SKAP2: variants seen among roughly 807,000 people sequenced by gnomAD.
SKAP2 encodes src kinase associated phosphoprotein 2.
SKAP2 carries 28 observed loss-of-function variants against 54.9 expected under a neutral mutation model. That is an observed-to-expected ratio of 0.51 (90% CI 0.38 to 0.70). SKAP2 has a LOEUF of 0.70. SKAP2 is among the 30% of genes least tolerant of loss of function. The pLI is 0.00. For synonymous variants in SKAP2, 137 were observed against 134.3 expected (o/e 1.02, Z -0.14); for missense variants, 356 against 424.1 (o/e 0.84, Z 1.41).
At chr7:26,718,393 T>C (rs529925309) in intron 9 of SKAP2, among the ~76,000 whole-genome samples, 3 of 152,168 alleles carry the variant, frequency 2.0e-5, no homozygotes, top group Admixed American at 6.5e-5. Context: ...TTTATATGTA[T>C]ATGTATATTT....
At chr7:26,858,448 T>C (rs939354644) in intron 1 of SKAP2, among the ~76,000 whole-genome samples, 1 of 152,168 alleles carries the variant, frequency 6.6e-6, no homozygotes, top group Non-Finnish European at 1.5e-5. Context: ...TTACAACTGC[T>C]CTGTCGATAA....
chr7:26,840,310 G>A lies in SKAP2; in HGVS notation c.307+3720C>T, dbSNP rs575384578. Among the ~76,000 whole-genome samples, 51 of 152,132 alleles carry A rather than the reference G, an allele frequency of 3.4e-4. No individual in the cohort carries two copies. In the Middle Eastern group the frequency reaches 0.017, roughly 51 times the overall value. On this transcript the variant is annotated intron_variant, in intron 4 of 12. Transcript: ENST00000345317. ...TAACATACATCTACTGGGATCCTTCGACCTATCGTCGAGGGGCAGAGCCAA... is the reference window on the plus strand; with the variant it reads ...TAACATACATCTACTGGGATCCTTCAACCTATCGTCGAGGGGCAGAGCCAA...
Position 26,776,299 on chromosome 7 carries a change from A to G in SKAP2, c.308-36335T>C, listed in dbSNP as rs372646152. On this transcript the variant is annotated intron_variant, in intron 4 of 12. Transcript: ENST00000345317. The stretch of plus-strand genomic sequence containing the variant: ...ACCCTCCCAGTGTAATTTTACCCAC[A>G]CTTATAACTTCTATTGCCCCCTGTA... 2.1e-4 allele frequency among the ~76,000 whole-genome samples: 32 copies of G among 152,180 alleles called. No homozygotes were observed. In the South Asian group the frequency reaches 6.6e-3, roughly 32 times the overall value.
In SKAP2 at chr7:26,680,768, G is replaced by A. The variant is rs111962175; in HGVS notation, c.987+3968C>T. ...GATTTATTATTAGTGAGGTTCAAAG[G>A]TGAAACCTAAGGAAATGCTGGACAC... On this transcript the variant is annotated intron_variant, in intron 11 of 12. Transcript: ENST00000345317. 1.8e-3 allele frequency among the ~76,000 whole-genome samples: 281 copies of A among 152,308 alleles called. 2 individuals carry two copies. The highest frequency in any genetic ancestry group is 6.4e-3 in the African/African-American group (266 of 41,572).
At chr7:26,769,185 C>G (rs553310763) in intron 4 of SKAP2, among the ~76,000 whole-genome samples, 1 of 152,084 alleles carries the variant, frequency 6.6e-6, no homozygotes, top group African/African-American at 2.4e-5. Flanking sequence ...CTTGTCTTCA[C>G]GCTTTATTTT....
chr7:26,778,780 C>T (rs1783366066), intron 4 of SKAP2, among the ~76,000 whole-genome samples: 1 of 151,870 alleles, frequency 6.6e-6, no homozygotes, highest in Non-Finnish European at 1.5e-5. Context: ...AAATTACATA[C>T]ATATTGTATA....
At chr7:26,665,225 A>G (rs1038970878), downstream of SKAP2, among the ~76,000 whole-genome samples, 1 of 152,206 alleles carries the variant, frequency 6.6e-6, no homozygotes, top group African/African-American at 2.4e-5. Flanking sequence ...AAGTGAAAGT[A>G]GATCACTTGC....
intron 3 of SKAP2, among the ~76,000 whole-genome samples, chr7:26,852,550 C>A (rs1785066513): frequency 6.6e-6 from 1 of 152,154 alleles, no homozygotes; most frequent in Admixed American, 6.5e-5. Flanking sequence ...TCTCTAAATT[C>A]TATGCTATTT....
intron 1 of SKAP2, among the ~76,000 whole-genome samples, chr7:26,861,615 CTTTTTTTT>C (rs34331819): frequency 2.6e-5 from 3 of 116,148 alleles, no homozygotes; most frequent in Non-Finnish European, 3.5e-5. Context: ...ATAACAACCT[CTTTTTTTT>C]TTTTTTTTTT....
intron 4 of SKAP2, among the ~76,000 whole-genome samples, chr7:26,755,583 T>C (rs1258439597): frequency 6.6e-6 from 1 of 152,148 alleles, no homozygotes; most frequent in East Asian, 1.9e-4. Flanking sequence ...ATTTGTAGTG[T>C]TTCCTGAGCT....
rs1784082310 is a variant in SKAP2, at chr7:26,808,967, GT to G, written c.307+35062del. On this transcript the variant is annotated intron_variant, in intron 4 of 12. Transcript: ENST00000345317. ...AAATGGGGTTACATCAAACTAAAAAGTTTCTGTACGGCAAAGGAAACAATCA... is the reference window on the plus strand; with the variant it reads ...AAATGGGGTTACATCAAACTAAAAAGTTCTGTACGGCAAAGGAAACAATCA... 2.6e-5 allele frequency among the ~76,000 whole-genome samples: 4 copies of G among 152,288 alleles called. No individual in the cohort carries two copies. The South Asian group carries it at 6.2e-4, about 24-fold the overall frequency.
At chr7:26,721,855 C>T (rs1056722147) in intron 9 of SKAP2, among the ~76,000 whole-genome samples, 6 of 152,154 alleles carry the variant, frequency 3.9e-5, no homozygotes, top group Admixed American at 3.9e-4. Flanking sequence ...GCAGCAATTT[C>T]ACGAGTATTA....
intron 4 of SKAP2, among the ~76,000 whole-genome samples, chr7:26,774,515 G>GTA (rs1245384655): frequency 7.9e-5 from 12 of 151,160 alleles, no homozygotes; most frequent in African/African-American, 1.7e-4. Flanking sequence ...GTGTGTGTGT[G>GTA]TGTATGTATA....
chr7:26,802,305 A>C, intron 4 of SKAP2, among the ~76,000 whole-genome samples: 1 of 125,806 alleles, frequency 7.9e-6, no homozygotes, highest in Non-Finnish European at 1.6e-5. Context: ...ACGGAGTTTC[A>C]CTCTTGCCCA....
intron 4 of SKAP2, among the ~76,000 whole-genome samples, chr7:26,781,582 A>G (rs1584386299): frequency 1.3e-5 from 2 of 152,272 alleles, no homozygotes; most frequent in South Asian, 4.1e-4. Flanking sequence ...GAAACTAGGC[A>G]TTCTCCCTAG....
intron 4 of SKAP2, among the ~76,000 whole-genome samples, chr7:26,817,184 C>T (rs1336145432): frequency 2.0e-5 from 3 of 152,232 alleles, no homozygotes; most frequent in Non-Finnish European, 4.4e-5. Flanking sequence ...GACTAAATAA[C>T]AGACCAGCAA....
At chr7:26,675,875 C>T (rs1043620054) in intron 11 of SKAP2, among the ~76,000 whole-genome samples, 17 of 152,176 alleles carry the variant, frequency 1.1e-4, no homozygotes, top group Non-Finnish European at 4.4e-5. Flanking sequence ...GCTTAAATCC[C>T]ATGTGCAGAA....
At chr7:26,803,145 T>C (rs6965167) in intron 4 of SKAP2, among the ~76,000 whole-genome samples, 45,504 of 151,946 alleles carry the variant, frequency 0.3, 7,121 homozygotes, top group Middle Eastern at 0.37. Flanking sequence ...AAAAAGCTTC[T>C]TCACAGCAAA....
chr7:26,844,610 T>C (rs926105160), intron 3 of SKAP2, among the ~76,000 whole-genome samples: 1 of 152,192 alleles, frequency 6.6e-6, no homozygotes, highest in Admixed American at 6.5e-5. Flanking sequence ...TGAAGCTGTA[T>C]GAATATTTTG....
Sources: gnomAD v4.1 joint callset for allele counts (sites outside exome capture counted in the v4.1 genomes callset) on GRCh38, gnomAD v4.1.1 for gene constraint, MANE v1.5 for transcripts, NCBI Gene and HGNC (gene_info 2026-07-23, HGNC 2026-07-21) for gene names.